Variants in DDX60L observed in about 807,000 individuals in gnomAD.
DDX60L encodes DExD/H-box 60 like, also known as probable ATP-dependent RNA helicase DDX60-like.
In DDX60L, 191 loss-of-function variants were observed where a neutral mutation model predicts 211.6. That is an observed-to-expected ratio of 0.90 (90% CI 0.80 to 1.02). DDX60L has a LOEUF of 1.02. Among genes scored for constraint, DDX60L ranks in the 50% least tolerant of loss-of-function variants. The pLI is 0.00. For synonymous variants in DDX60L, 706 were observed against 694.1 expected, an observed-to-expected ratio of 1.02 and a Z score of -0.27; for missense variants, 2,007 against 1,984.1, an observed-to-expected ratio of 1.01 and a Z score of -0.22.
intron 19 of DDX60L, among the ~76,000 whole-genome samples, chr4:168,417,812 A>G (rs1156771054): frequency 1.3e-5 from 2 of 152,186 alleles, no homozygotes; most frequent in African/African-American, 4.8e-5. Context: ...TTGGTCTTAA[A>G]CAGAATACAT....
At chr4:168,405,881 T>C in intron 24 of DDX60L, 69 bp downstream of exon 24, 1 of 1,445,104 alleles carries the variant, frequency 6.9e-7, no homozygotes, top group Non-Finnish European at 9.2e-7. Context: ...ATTTATTGGC[T>C]AAATTATTAT....
Position 168,384,704 on chromosome 4 carries a change from GC to G in DDX60L, c.4023del (p.Glu1341AspfsTer2). On this transcript the variant is annotated frameshift_variant, in exon 30 of 38. Transcript: ENST00000682922. LOFTEE classifies it high-confidence loss of function. The stretch of plus-strand genomic sequence containing the variant: ...ATGCTGAGAGGGAACTGTCCTCTCA[GC>G]TCAGGAACACTGGATGCAAGGAGTC... ...IKRLLASSVP[E>X]LRGQFPLSIT... 1 of 1,613,940 alleles carries G rather than the reference GC, an allele frequency of 6.2e-7. No homozygotes were observed. Among genetic ancestry groups the G allele is most frequent in the Admixed American group, 1.7e-5 (1 of 59,936 alleles).
At chr4:168,381,693 A>C (rs975842212) in intron 30 of DDX60L, among the ~76,000 whole-genome samples, 6 of 152,106 alleles carry the variant, frequency 3.9e-5, no homozygotes, top group African/African-American at 1.4e-4. Context: ...CTACAAGAAA[A>C]CAGCAATCAG....
At chr4:168,385,124 G>C (rs957262575) in intron 29 of DDX60L, among the ~76,000 whole-genome samples, 17 of 152,188 alleles carry the variant, frequency 1.1e-4, no homozygotes. Flanking sequence ...GCTTCAGGAC[G>C]GGGACTGGTC....
intron 4 of DDX60L, among the ~76,000 whole-genome samples, chr4:168,462,928 C>T (rs558722277): frequency 6.6e-6 from 1 of 152,250 alleles, no homozygotes; most frequent in South Asian, 2.1e-4. Flanking sequence ...TACCATCTCA[C>T]GCCAGTCAGA....
At chr4:168,447,362 C>T (rs1411598432) in intron 9 of DDX60L, among the ~76,000 whole-genome samples, 18 of 141,338 alleles carry the variant, frequency 1.3e-4, no homozygotes, top group East Asian at 4.6e-4. Context: ...GAATGGCAAA[C>T]ATTAAAAAGT....
At chr4:168,428,786 T>C (rs1478237593) in intron 13 of DDX60L, among the ~76,000 whole-genome samples, 3 of 152,190 alleles carry the variant, frequency 2.0e-5, no homozygotes, top group African/African-American at 4.8e-5. Flanking sequence ...AGCAGAACCA[T>C]AAAATCTACC....
At chr4:168,370,137 C>T (rs1283512864) in intron 36 of DDX60L, among the ~76,000 whole-genome samples, 1 of 152,032 alleles carries the variant, frequency 6.6e-6, no homozygotes, top group Admixed American at 6.6e-5. Context: ...TATTGCCACA[C>T]TATTTACAAT....
chr4:168,457,293 TACACAC>T (rs756649479), intron 6 of DDX60L, among the ~76,000 whole-genome samples: 3 of 125,746 alleles, frequency 2.4e-5, no homozygotes, highest in South Asian at 2.7e-4. Context: ...CACACACACA[TACACAC>T]ACACACACAC....
intron 8 of DDX60L, among the ~76,000 whole-genome samples, chr4:168,450,968 A>G (rs1755728310): frequency 1.6e-5 from 1 of 61,474 alleles, no homozygotes; most frequent in Non-Finnish European, 3.1e-5. Flanking sequence ...ATTAAATTAA[A>G]GTCACTGAAT....
chr4:168,425,162 T>A (rs1218916670), intron 14 of DDX60L, among the ~76,000 whole-genome samples: 1 of 152,344 alleles, frequency 6.6e-6, no homozygotes, highest in East Asian at 1.9e-4. Flanking sequence ...TTCTTTTACA[T>A]GAAAGAGAAA....
At chr4:168,379,997 G>C in intron 30 of DDX60L, 167 bp from the exon 31 acceptor site, 1 of 493,124 alleles carries the variant, frequency 2.0e-6, no homozygotes. Flanking sequence ...TCTTCACATG[G>C]CACATGCTTC....
intron 5 of DDX60L, among the ~76,000 whole-genome samples, chr4:168,459,814 A>AGGAAGGAAGGAG (rs1273774123): frequency 7.7e-6 from 1 of 130,106 alleles, no homozygotes; most frequent in African/African-American, 2.9e-5. Flanking sequence ...GAAGGAAGGA[A>AGGAAGGAAGGAG]GGAGGGAAGG....
intron 14 of DDX60L, among the ~76,000 whole-genome samples, chr4:168,426,064 C>T (rs904278116): frequency 2.0e-5 from 3 of 152,170 alleles, no homozygotes; most frequent in African/African-American, 7.2e-5. Context: ...CCACTTCCCT[C>T]CCTGCCAGCC....
intron 1 of DDX60L, among the ~76,000 whole-genome samples, chr4:168,477,668 A>C (rs1759773116): frequency 6.6e-6 from 1 of 152,238 alleles, no homozygotes; most frequent in Admixed American, 6.5e-5. Flanking sequence ...GACAGATAAT[A>C]GGCAGTGAGA....
chr4:168,460,940 G>A (rs1380213041), intron 5 of DDX60L, among the ~76,000 whole-genome samples: 2 of 152,196 alleles, frequency 1.3e-5, no homozygotes, highest in African/African-American at 4.8e-5. Context: ...ATTCAACTGT[G>A]GAACAGCCAG....
intron 12 of DDX60L, among the ~76,000 whole-genome samples, chr4:168,431,869 A>G (rs1752413921): frequency 6.6e-6 from 1 of 152,104 alleles, no homozygotes; most frequent in South Asian, 2.1e-4. Context: ...CTTTTTGTAG[A>G]TTCAACTCCT....
chr4:168,402,423 T>C (rs1160960404), intron 25 of DDX60L, among the ~76,000 whole-genome samples: 1 of 150,854 alleles, frequency 6.6e-6, no homozygotes, highest in African/African-American at 2.5e-5. Flanking sequence ...AAGAGTCCAG[T>C]GTAAAAAAAA....
At chr4:168,421,580 G>T (rs1405763880) in intron 17 of DDX60L, among the ~76,000 whole-genome samples, 180 bp downstream of exon 17, 1 of 152,116 alleles carries the variant, frequency 6.6e-6, no homozygotes. Context: ...ACTTGAACAC[G>T]GGAGGTGGAG....
Sources: allele counts gnomAD v4.1 joint callset (sites outside exome capture counted in the v4.1 genomes callset), GRCh38; gene constraint gnomAD v4.1.1; transcripts MANE v1.5; gene names NCBI Gene and HGNC (gene_info 2026-07-23, HGNC 2026-07-21).